The following DNER variants were observed in gnomAD, a reference collection of about 807,000 sequenced individuals.
DNER encodes delta and Notch-like epidermal growth factor-related receptor.
In DNER, 33 loss-of-function variants were observed where a neutral mutation model predicts 78.2. The observed-to-expected ratio is 0.42, with a 90% confidence interval of 0.32 to 0.56. The LOEUF (loss-of-function observed/expected upper bound fraction) is 0.56. Among genes scored for constraint, DNER ranks in the 20% least tolerant of loss-of-function variants. DNER has a pLI of 0.11. For synonymous variants in DNER, 417 were observed against 384.8 expected (o/e 1.08, Z -0.98); for missense variants, 918 against 975.3 (o/e 0.94, Z 0.78).
chr2:229,705,277 C>A (rs1156396301), intron 1 of DNER, among the ~76,000 whole-genome samples: 4 of 152,134 alleles, frequency 2.6e-5, no homozygotes, highest in African/African-American at 7.2e-5. Context: ...CTACAAGGAC[C>A]AGATAAGTAC....
rs115304562 is a variant in DNER at position 229,415,704 on chromosome 2, A to G, written c.1609+2404T>C. On this transcript the variant is annotated intron_variant, in intron 9 of 12. Transcript: ENST00000341772. Reference sequence around the variant, plus strand: ...CGATGCTTATTAAGGTACTTATCTTAGGGTATAGGGTGCTATATTTTCTGT... The same window carrying G: ...CGATGCTTATTAAGGTACTTATCTTGGGGTATAGGGTGCTATATTTTCTGT... Among the ~76,000 whole-genome samples, 1,283 of 152,284 alleles carry G rather than the reference A, an allele frequency of 8.4e-3. 8 individuals are homozygous for G. The highest frequency in any genetic ancestry group is 0.014 in the Admixed American group (212 of 15,296).
intron 6 of DNER, among the ~76,000 whole-genome samples, chr2:229,493,118 G>C (rs143529422): frequency 5.3e-4 from 81 of 152,272 alleles, no homozygotes; most frequent in African/African-American, 1.8e-3. Context: ...CAACGCAAAG[G>C]CACTGACACT....
chr2:229,413,821 T>G, intron 9 of DNER, among the ~76,000 whole-genome samples: 1 of 151,440 alleles, frequency 6.6e-6, no homozygotes, highest in South Asian at 2.1e-4. Flanking sequence ...GCAGTAAAAA[T>G]TACCACTTAA....
chr2:229,375,054 T>A (rs1468345575), intron 11 of DNER, among the ~76,000 whole-genome samples: 1 of 152,198 alleles, frequency 6.6e-6, no homozygotes, highest in East Asian at 1.9e-4. Flanking sequence ...CAAGATCGAA[T>A]CACATCAATA....
intron 5 of DNER, among the ~76,000 whole-genome samples, chr2:229,532,393 G>C (rs1434849648): frequency 2.6e-5 from 4 of 152,084 alleles, no homozygotes; most frequent in Non-Finnish European, 5.9e-5. Context: ...TGTATCCTCT[G>C]CTCTAGAAGC....
intron 1 of DNER, among the ~76,000 whole-genome samples, chr2:229,710,549 G>A (rs1490216933): frequency 6.6e-6 from 1 of 152,184 alleles, no homozygotes; most frequent in East Asian, 1.9e-4. Flanking sequence ...GAACAGTGCA[G>A]GCACGTGGCA....
intron 4 of DNER, among the ~76,000 whole-genome samples, chr2:229,584,525 T>C (rs7574727): frequency 0.92 from 140,632 of 152,230 alleles, 65,102 homozygotes; most frequent in African/African-American, 0.97. Flanking sequence ...GGACACAGAA[T>C]GCTAAACTAG....
intron 6 of DNER, among the ~76,000 whole-genome samples, chr2:229,491,230 G>C (rs1301033428): frequency 6.6e-6 from 1 of 152,158 alleles, no homozygotes; most frequent in Non-Finnish European, 1.5e-5. Flanking sequence ...GTCCATTCAG[G>C]CTGCTAGAGC....
chr2:229,405,862 T>C (rs946044554), intron 10 of DNER, among the ~76,000 whole-genome samples: 1 of 152,196 alleles, frequency 6.6e-6, no homozygotes, highest in Admixed American at 6.5e-5. Context: ...ATGCTTTTTT[T>C]ACTCATGGGA....
chr2:229,581,296 T>C (rs540778345), intron 4 of DNER, among the ~76,000 whole-genome samples: 251 of 152,238 alleles, frequency 1.6e-3, no homozygotes, highest in Admixed American at 7.7e-3. Flanking sequence ...TTCATGGAAA[T>C]GTGACTGGAG....
chr2:229,360,606 G>A (rs1362365221), intron 12 of DNER, among the ~76,000 whole-genome samples: 1 of 152,048 alleles, frequency 6.6e-6, no homozygotes, highest in East Asian at 1.9e-4. Flanking sequence ...TAGAGACGGG[G>A]TTTCACTGTG....
At chr2:229,607,786 G>A (rs1415216082) in intron 1 of DNER, among the ~76,000 whole-genome samples, 1 of 152,082 alleles carries the variant, frequency 6.6e-6, no homozygotes, top group African/African-American at 2.4e-5. Context: ...ACTTTGGGGG[G>A]CCGAGGTGGT....
intron 6 of DNER, among the ~76,000 whole-genome samples, chr2:229,484,530 T>A (rs913438433): frequency 1.3e-5 from 2 of 152,200 alleles, no homozygotes; most frequent in Non-Finnish European, 2.9e-5. Context: ...GAAGCAGAAC[T>A]CTTCATTTTG....
chr2:229,387,501 AAGAAAGAG>A (rs1365691023), intron 11 of DNER, among the ~76,000 whole-genome samples: 2,064 of 96,952 alleles, frequency 0.021, 14 homozygotes, highest in Middle Eastern at 0.05. Context: ...GAAAGAAAGA[AAGAAAGAG>A]AGAAAGAAAG....
intron 6 of DNER, among the ~76,000 whole-genome samples, chr2:229,495,915 T>C (rs1299570802): frequency 6.6e-6 from 1 of 152,220 alleles, no homozygotes; most frequent in Non-Finnish European, 1.5e-5. Flanking sequence ...CAGTATCACC[T>C]GGTGGGAGGT....
In DNER at chr2:229,358,230, G is replaced by C. The variant is rs1246212734; in HGVS notation, c.*310C>G. On this transcript the variant is annotated 3_prime_UTR_variant, in exon 13 of 13. Coordinates refer to ENST00000341772, the MANE Select transcript of DNER (RefSeq NM_139072.4). ...TCAAACAGAAACTTCTCCTTGATTA[G>C]ACTTATTCTGTAACAACCACAGAAA... is the stretch of plus-strand genomic sequence containing the variant. 2 of 181,492 alleles carry C rather than the reference G, an allele frequency of 1.1e-5. No homozygotes were observed. Among genetic ancestry groups the C allele is most frequent in the Non-Finnish European group, 2.3e-5 (2 of 86,766 alleles). The allele number at this position is 181,492 out of a possible 1,614,324, so 11.2% of individuals were successfully genotyped here. A position where few individuals can be genotyped will look rare whatever the true frequency, so the allele number is the denominator to read the frequency against.
intron 1 of DNER, among the ~76,000 whole-genome samples, chr2:229,606,676 G>T (rs1224414263): frequency 2.0e-5 from 3 of 151,904 alleles, no homozygotes; most frequent in Admixed American, 6.6e-5. Flanking sequence ...GAGGATCACT[G>T]GAGGTCAAGA....
At chr2:229,661,991 C>T (rs540643624) in intron 1 of DNER, among the ~76,000 whole-genome samples, 130 of 152,282 alleles carry the variant, frequency 8.5e-4, no homozygotes, top group African/African-American at 2.6e-3. Context: ...TTGTCCATAA[C>T]ATCAAACAAT....
chr2:229,588,444 A>C lies in DNER; in HGVS notation c.630T>G (p.Ser210=). ...IACGNASSNS[S]AGGRLVSFEV... The stretch of plus-strand genomic sequence containing the variant: ...CAAAGGATACCAGGCGGCCACCCGC[A>C]GAGCTGTTAGAACTGGCATTCCCAC... The change falls in exon 3 of 13, where the codon TCT becomes TCG. Residue 210 remains serine, a synonymous_variant. Coordinates refer to ENST00000341772, the MANE Select transcript of DNER (RefSeq NM_139072.4). The C allele has an allele frequency of 6.2e-7, 1 of 1,602,904 alleles. No individual in the cohort carries two copies. Among genetic ancestry groups the C allele is most frequent in the Non-Finnish European group, 8.5e-7 (1 of 1,173,790 alleles).
Sources: gnomAD v4.1 joint callset for allele counts (sites outside exome capture counted in the v4.1 genomes callset) on GRCh38, gnomAD v4.1.1 for gene constraint, MANE v1.5 for transcripts, NCBI Gene and HGNC (gene_info 2026-07-23, HGNC 2026-07-21) for gene names.